PARD3B: variants seen among roughly 807,000 people sequenced by gnomAD.
The protein encoded by PARD3B is partitioning defective 3 homolog B.
A neutral mutation model predicts 130.2 loss-of-function variants in PARD3B; 103 were observed. That is an observed-to-expected ratio of 0.79 (90% CI 0.67 to 0.93). The LOEUF is 0.93. Ranked by LOEUF, PARD3B falls within the 40% of genes least tolerant of loss-of-function variation. PARD3B has a pLI of 0.00. For missense variants in PARD3B, 1,609 were observed against 1,499.2 expected (o/e 1.07, Z -1.21); for synonymous variants, 583 against 553.2 (o/e 1.05, Z -0.76).
chr2:205,465,168 T>C (rs937265381), intron 20 of PARD3B, among the ~76,000 whole-genome samples: 1 of 152,224 alleles, frequency 6.6e-6, no homozygotes, highest in Non-Finnish European at 1.5e-5. Context: ...GAAGCCAAAT[T>C]GCAGTGTTTT....
At chr2:205,534,402 GAA>G (rs2051744954) in intron 21 of PARD3B, among the ~76,000 whole-genome samples, 1 of 152,088 alleles carries the variant, frequency 6.6e-6, no homozygotes, top group Non-Finnish European at 1.5e-5. Context: ...GAGTGAGTGA[GAA>G]GGAGAATGGA....
intron 18 of PARD3B, among the ~76,000 whole-genome samples, chr2:205,350,427 AT>A (rs2043956939): frequency 6.6e-6 from 1 of 152,092 alleles, no homozygotes; most frequent in Non-Finnish European, 1.5e-5. Flanking sequence ...ATAAAGTTAG[AT>A]TTTGTACATT....
intron 2 of PARD3B, among the ~76,000 whole-genome samples, chr2:204,822,068 T>G (rs1393526282): frequency 1.3e-5 from 2 of 152,194 alleles, no homozygotes; most frequent in Non-Finnish European, 2.9e-5. Context: ...ATTGAAACCT[T>G]CTGGAAAGGA....
At chr2:205,083,634 C>T (rs539980570) in intron 4 of PARD3B, among the ~76,000 whole-genome samples, 12 of 151,092 alleles carry the variant, frequency 7.9e-5, no homozygotes, top group African/African-American at 2.9e-4. Flanking sequence ...TTTGAGGAAA[C>T]AATTTTTGCC....
intron 15 of PARD3B, among the ~76,000 whole-genome samples, chr2:205,195,078 C>T (rs193216462): frequency 1.3e-5 from 2 of 151,442 alleles, no homozygotes; most frequent in East Asian, 2.0e-4. Flanking sequence ...GGATTACAGG[C>T]GTGAGCCACC....
At chr2:204,686,400 A>G in intron 2 of PARD3B, 118 bp downstream of exon 2, 1 of 767,998 alleles carries the variant, frequency 1.3e-6, no homozygotes, top group Non-Finnish European at 2.2e-6. Context: ...CCATCTGTTC[A>G]GGTTTCACCT....
intron 2 of PARD3B, among the ~76,000 whole-genome samples, chr2:204,810,277 C>G (rs774130305): frequency 1.3e-5 from 2 of 152,064 alleles, no homozygotes; most frequent in Non-Finnish European, 2.9e-5. Context: ...ACTTCCCATA[C>G]TATGTTGAAT....
At chr2:205,207,111 A>G (rs1260972125) in intron 15 of PARD3B, among the ~76,000 whole-genome samples, 1 of 143,580 alleles carries the variant, frequency 7.0e-6, no homozygotes, top group East Asian at 2.0e-4. Flanking sequence ...CTGCTCCTGA[A>G]TGACTACTGG....
intron 1 of PARD3B, among the ~76,000 whole-genome samples, chr2:204,634,623 G>T (rs2034806152): frequency 6.6e-6 from 1 of 151,998 alleles, no homozygotes; most frequent in Non-Finnish European, 1.5e-5. Flanking sequence ...TCTGTATTTT[G>T]CTGGTTGTAT....
chr2:204,700,519 A>C (rs111929318), intron 2 of PARD3B, among the ~76,000 whole-genome samples: 1 of 152,138 alleles, frequency 6.6e-6, no homozygotes, highest in African/African-American at 2.4e-5. Flanking sequence ...TTTGACACGC[A>C]ATCTTTTATT....
chr2:205,387,043 G>T lies in PARD3B; in HGVS notation c.2631-13970G>T, dbSNP rs184185488. Among the ~76,000 whole-genome samples, 650 of 152,282 alleles carry T rather than the reference G, an allele frequency of 4.3e-3. 4 individuals carry two copies. Among genetic ancestry groups the T allele is most frequent in the Middle Eastern group, 0.014 (4 of 294 alleles). The stretch of plus-strand genomic sequence containing the variant: ...AAGCTTATTTTTGAAATATGTTGGT[G>T]CTTGCATAAAGTCAGTCAGTATATA... On this transcript the variant is annotated intron_variant, in intron 18 of 22. Coordinates refer to ENST00000406610, the MANE Select transcript of PARD3B (RefSeq NM_001302769.2).
intron 15 of PARD3B, among the ~76,000 whole-genome samples, chr2:205,198,616 A>G (rs17196421): frequency 0.011 from 1,628 of 152,284 alleles, 24 homozygotes; most frequent in African/African-American, 0.023. Context: ...TACATTTTGA[A>G]TATGAAACCT....
chr2:204,739,102 G>A (rs910034911), intron 2 of PARD3B, among the ~76,000 whole-genome samples: 2 of 152,138 alleles, frequency 1.3e-5, no homozygotes, highest in Non-Finnish European at 2.9e-5. Flanking sequence ...ACTGGCATGT[G>A]TATGTTAGTT....
chr2:205,100,100 A>G (rs1447687856), intron 4 of PARD3B, among the ~76,000 whole-genome samples: 3 of 152,154 alleles, frequency 2.0e-5, no homozygotes, highest in Non-Finnish European at 4.4e-5. Context: ...TAGAATCTTT[A>G]CTTGCTATCT....
At chr2:205,155,043 T>A (rs1412805962) in intron 10 of PARD3B, among the ~76,000 whole-genome samples, 1 of 140,170 alleles carries the variant, frequency 7.1e-6, no homozygotes, top group Non-Finnish European at 1.5e-5. Context: ...TAAAGTATAA[T>A]AATAATAAAT....
chr2:204,961,011 G>T (rs1252183168), intron 2 of PARD3B, among the ~76,000 whole-genome samples: 1 of 152,138 alleles, frequency 6.6e-6, no homozygotes, highest in Non-Finnish European at 1.5e-5. Context: ...AGACCCTGAG[G>T]CAGGTACAAA....
chr2:205,208,953 T>C (rs1318112281), intron 15 of PARD3B, among the ~76,000 whole-genome samples: 1 of 130,060 alleles, frequency 7.7e-6, no homozygotes, highest in African/African-American at 3.2e-5. Context: ...GGCATCACAC[T>C]ACCTGACTTC....
At chr2:204,631,483 C>G (rs183565380) in intron 1 of PARD3B, among the ~76,000 whole-genome samples, 163 of 152,224 alleles carry the variant, frequency 1.1e-3, no homozygotes, top group African/African-American at 3.7e-3. Flanking sequence ...CTCTTGACCT[C>G]GTGATCTGCG....
chr2:204,552,162 C>T (rs2030510682), intron 1 of PARD3B, among the ~76,000 whole-genome samples: 1 of 152,188 alleles, frequency 6.6e-6, no homozygotes, highest in Non-Finnish European at 1.5e-5. Flanking sequence ...GACCAGATCC[C>T]AGGCAGTCCT....
Sources: gnomAD v4.1 joint callset for allele counts (sites outside exome capture counted in the v4.1 genomes callset) on GRCh38, gnomAD v4.1.1 for gene constraint, MANE v1.5 for transcripts, NCBI Gene and HGNC (gene_info 2026-07-23, HGNC 2026-07-21) for gene names.